MTHFD1L: variants seen among roughly 807,000 people sequenced by gnomAD.
MTHFD1L encodes the protein methylenetetrahydrofolate dehydrogenase (NADP+ dependent) 1 like.
In MTHFD1L, 81 loss-of-function variants were observed where a neutral mutation model predicts 119.5. The ratio of observed to expected loss-of-function variants is 0.68; its 90% confidence interval spans 0.57 to 0.82. The LOEUF (loss-of-function observed/expected upper bound fraction) is 0.82, where lower values mean the gene tolerates loss of function less well. Ranked by LOEUF, MTHFD1L falls within the 40% of genes least tolerant of loss-of-function variation. The pLI is 0.00. For missense variants in MTHFD1L, 1,125 were observed against 1,253.4 expected, an observed-to-expected ratio of 0.90 and a Z score of 1.55; for synonymous variants, 430 against 475.2, an observed-to-expected ratio of 0.90 and a Z score of 1.24.
At chr6:150,984,571 GAA>G (rs77899794) in intron 20 of MTHFD1L, among the ~76,000 whole-genome samples, 19 of 109,308 alleles carry the variant, frequency 1.7e-4, no homozygotes, top group African/African-American at 4.9e-4. Flanking sequence ...AAAAACAAGG[GAA>G]AAAAAAAAAA....
intron 8 of MTHFD1L, among the ~76,000 whole-genome samples, chr6:150,906,538 G>A (rs533684838): frequency 1.3e-5 from 2 of 152,322 alleles, no homozygotes; most frequent in South Asian, 2.1e-4. Flanking sequence ...AGCCAGAGAC[G>A]ATGGCACAGG....
At chr6:150,870,088 A>G (rs1779143390) in intron 1 of MTHFD1L, among the ~76,000 whole-genome samples, 1 of 152,228 alleles carries the variant, frequency 6.6e-6, no homozygotes, top group South Asian at 2.1e-4. Context: ...TACATTCTGT[A>G]TAATAGTCAC....
chr6:150,910,273 A>C lies in MTHFD1L; in HGVS notation c.892+4512A>C, dbSNP rs574859470. ...GGACAAGGGAGCTGTTTTTGTAAAA[A>C]AAATTCTTGGCCGGATGCGGTGGCT... On this transcript the variant is annotated intron_variant, in intron 8 of 27. Transcript: ENST00000367321. Among the ~76,000 whole-genome samples, 22 of 151,820 alleles carry C rather than the reference A, an allele frequency of 1.4e-4. 1 individual carries two copies. In the South Asian group the frequency reaches 4.4e-3, roughly 30 times the overall value.
chr6:151,030,533 TCAG>T (rs1476787794), intron 24 of MTHFD1L, among the ~76,000 whole-genome samples: 12 of 152,240 alleles, frequency 7.9e-5, no homozygotes, highest in African/African-American at 2.9e-4. Flanking sequence ...CATTGGTTGA[TCAG>T]CAGAGGAGCT....
intron 1 of MTHFD1L, among the ~76,000 whole-genome samples, chr6:150,875,537 A>C (rs1379266747): frequency 1.3e-5 from 2 of 152,044 alleles, no homozygotes; most frequent in Non-Finnish European, 2.9e-5. Context: ...GTGGGTCTCC[A>C]GTGTTTCTGG....
chr6:150,869,540 A>G (rs1269615054), intron 1 of MTHFD1L, among the ~76,000 whole-genome samples: 1 of 152,120 alleles, frequency 6.6e-6, no homozygotes, highest in Non-Finnish European at 1.5e-5. Flanking sequence ...TTATTTTTGT[A>G]GAGATGAAGT....
intron 13 of MTHFD1L, among the ~76,000 whole-genome samples, chr6:150,940,364 T>G (rs2128947645): frequency 6.6e-6 from 1 of 152,086 alleles, no homozygotes; most frequent in African/African-American, 2.4e-5. Flanking sequence ...TCCAAGGCAC[T>G]GCTGAAAAAA....
At chr6:150,874,097 G>A (rs1290056842) in intron 1 of MTHFD1L, among the ~76,000 whole-genome samples, 3 of 152,142 alleles carry the variant, frequency 2.0e-5, no homozygotes, top group South Asian at 2.1e-4. Flanking sequence ...TAACAGTCAC[G>A]ACAGGCTGGA....
rs150766286 is a variant in MTHFD1L, at chr6:150,976,899, A to G, written c.2125+4841A>G. 5.6e-3 allele frequency among the ~76,000 whole-genome samples: 846 copies of G among 152,356 alleles called. 6 individuals carry two copies. Among genetic ancestry groups the G allele is most frequent in the African/African-American group, 0.02 (813 of 41,586 alleles). On this transcript the variant is annotated intron_variant, in intron 20 of 27. Coordinates refer to ENST00000367321, the MANE Select transcript of MTHFD1L (RefSeq NM_015440.5). ...GTGGAATTTCTAGGTAGAACTGAAA[A>G]TGAACAAATGATTTAGCAATTTCAC...
chr6:151,005,497 C>G (rs1417297019), intron 20 of MTHFD1L, among the ~76,000 whole-genome samples: 2 of 152,178 alleles, frequency 1.3e-5, no homozygotes, highest in African/African-American at 2.4e-5. Context: ...GGAAGCCAAA[C>G]TCCTCGAACC....
At chr6:150,955,211 G>A (rs369826147) in intron 16 of MTHFD1L, among the ~76,000 whole-genome samples, 1 of 152,030 alleles carries the variant, frequency 6.6e-6, no homozygotes, top group Non-Finnish European at 1.5e-5. Context: ...TATTCTAGGT[G>A]CCTGATATAA....
intron 1 of MTHFD1L, chr6:150,866,651 C>A: frequency 8.4e-7 from 1 of 1,195,780 alleles, no homozygotes; most frequent in South Asian, 4.3e-5. Context: ...GCCGGGCCCC[C>A]GGGACAGCCG....
intron 26 of MTHFD1L, among the ~76,000 whole-genome samples, chr6:151,038,200 G>T (rs1355868534): frequency 2.0e-5 from 3 of 152,214 alleles, no homozygotes; most frequent in African/African-American, 7.2e-5. Flanking sequence ...GGAGAGCACT[G>T]TGTTGGTATT....
chr6:151,011,587 A>G (rs9383552), intron 21 of MTHFD1L, among the ~76,000 whole-genome samples: 10,376 of 152,194 alleles, frequency 0.068, 1,133 homozygotes, highest in East Asian at 0.58. Context: ...AATTCTCTAC[A>G]TGGTTTACAA....
intron 15 of MTHFD1L, among the ~76,000 whole-genome samples, chr6:150,947,442 G>A (rs1235006026): frequency 6.6e-6 from 1 of 151,162 alleles, no homozygotes; most frequent in African/African-American, 2.4e-5. Flanking sequence ...TAAATAGGAA[G>A]ATTTCTTGGC....
At chr6:150,974,594 T>G (rs1489523295) in intron 20 of MTHFD1L, among the ~76,000 whole-genome samples, 1 of 146,694 alleles carries the variant, frequency 6.8e-6, no homozygotes, top group Non-Finnish European at 1.5e-5. Flanking sequence ...TCTGTCTCAA[T>G]GAAGTTGACT....
chr6:150,961,203 C>G (rs12210569), intron 18 of MTHFD1L, among the ~76,000 whole-genome samples: 1 of 151,414 alleles, frequency 6.6e-6, no homozygotes, highest in Non-Finnish European at 1.5e-5. Context: ...AAGCGATTCT[C>G]CTGCCTCCGC....
intron 1 of MTHFD1L, among the ~76,000 whole-genome samples, chr6:150,870,708 C>G (rs909300531): frequency 2.0e-5 from 3 of 151,780 alleles, no homozygotes; most frequent in Non-Finnish European, 4.4e-5. Context: ...GTCAGGAGTT[C>G]GAGACCAGCC....
At chr6:151,022,007 C>T (rs1361316421) in intron 24 of MTHFD1L, 1 of 471,112 alleles carries the variant, frequency 2.1e-6, no homozygotes, top group Non-Finnish European at 4.4e-6. Flanking sequence ...ATTAAAAGGT[C>T]TTTCCTGTTC....
Sources: gnomAD v4.1 joint callset for allele counts (sites outside exome capture counted in the v4.1 genomes callset) on GRCh38, gnomAD v4.1.1 for gene constraint, MANE v1.5 for transcripts, NCBI Gene and HGNC (gene_info 2026-07-23, HGNC 2026-07-21) for gene names.